PECAM1: variants seen among roughly 807,000 people sequenced by gnomAD.
PECAM1 encodes the protein platelet and endothelial cell adhesion molecule 1.
In PECAM1, 8 loss-of-function variants were observed where a neutral mutation model predicts 13.8. That is an observed-to-expected ratio of 0.58 (90% CI 0.34 to 1.05). PECAM1 has a LOEUF of 1.05. Among genes scored for constraint, PECAM1 ranks in the 50% least tolerant of loss-of-function variants. The probability of loss-of-function intolerance (pLI) is 0.03; values close to 1 mark genes in which losing one functional copy is unlikely to be tolerated. For missense variants in PECAM1, 304 were observed against 141.2 expected (o/e 2.15, Z -5.84); for synonymous variants, 136 against 52.6 (o/e 2.58, Z -6.86).
intron 4 of PECAM1, among the ~76,000 whole-genome samples, 184 bp downstream of exon 4, chr17:64,374,867 T>C (rs956874560): frequency 6.6e-6 from 1 of 152,094 alleles, no homozygotes; most frequent in Non-Finnish European, 1.5e-5. Context: ...GAAACTCTTG[T>C]CTGAAAAATT....
intron 14 of PECAM1, among the ~76,000 whole-genome samples, chr17:64,331,884 T>A (rs1002410840): frequency 2.6e-5 from 4 of 152,054 alleles, no homozygotes; most frequent in Non-Finnish European, 5.9e-5. Flanking sequence ...TCGAAGGTGG[T>A]GGAGGGAATG....
chr17:64,328,706 G>A (rs533339939), intron 15 of PECAM1, among the ~76,000 whole-genome samples: 422 of 152,326 alleles, frequency 2.8e-3, no homozygotes, highest in Non-Finnish European at 4.5e-3. Flanking sequence ...AGGAAGCCAG[G>A]GGCCCACTGG....
At chr17:64,349,353 T>A (rs904395235) in intron 12 of PECAM1, among the ~76,000 whole-genome samples, 2 of 152,046 alleles carry the variant, frequency 1.3e-5, no homozygotes, top group Non-Finnish European at 1.5e-5. Context: ...TTCGGGAGGC[T>A]GAGGCGGGCA....
chr17:64,327,143 C>G (rs1316179785), intron 15 of PECAM1, among the ~76,000 whole-genome samples: 1 of 152,170 alleles, frequency 6.6e-6, no homozygotes, highest in African/African-American at 2.4e-5. Flanking sequence ...TTGGTTGAAT[C>G]CTATGCCTTG....
chr17:64,381,956 CG>C (rs2036490936), intron 2 of PECAM1, among the ~76,000 whole-genome samples: 1 of 152,024 alleles, frequency 6.6e-6, no homozygotes, highest in Non-Finnish European at 1.5e-5. Flanking sequence ...CAAAATTAGC[CG>C]GGTGTGGTGG....
At chr17:64,340,304 G>A (rs1295336148) in intron 14 of PECAM1, among the ~76,000 whole-genome samples, 1 of 152,058 alleles carries the variant, frequency 6.6e-6, no homozygotes, top group Non-Finnish European at 1.5e-5. Flanking sequence ...GACTGTACTC[G>A]GAGGAGTCAT....
intron 2 of PECAM1, among the ~76,000 whole-genome samples, chr17:64,378,578 G>C (rs1289239434): frequency 6.6e-6 from 1 of 151,890 alleles, no homozygotes; most frequent in Non-Finnish European, 1.5e-5. Context: ...GGAGGCGGGG[G>C]TTGCAGTGAG....
rs889903130 is a variant in PECAM1 at position 64,329,732 on chromosome 17, A to C, written c.2165-10T>G. 1 of 768,934 alleles carries C rather than the reference A, an allele frequency of 1.3e-6. No homozygotes were observed. Among genetic ancestry groups the C allele is most frequent in the African/African-American group, 1.7e-5 (1 of 58,842 alleles). 47.6% of individuals were successfully genotyped at this position (768,934 alleles called of 1,614,324 possible). A position where few individuals can be genotyped will look rare whatever the true frequency, so the allele number is the denominator to read the frequency against. On this transcript the variant is annotated splice_polypyrimidine_tract_variant and intron_variant, in intron 14 of 15. Transcript: ENST00000563924. ...CTGCTTTCCACGGCATCTACAAAACAAAGGATGACATGGCAGTGAGCAACG... is the reference window on the plus strand; with the variant it reads ...CTGCTTTCCACGGCATCTACAAAACCAAGGATGACATGGCAGTGAGCAACG...
intron 15 of PECAM1, among the ~76,000 whole-genome samples, chr17:64,328,601 A>G (rs920544959): frequency 6.6e-6 from 1 of 152,178 alleles, no homozygotes; most frequent in East Asian, 1.9e-4. Context: ...CCTTAAATTC[A>G]TAGCTTTCTT....
chr17:64,347,879 C>T lies in PECAM1; in HGVS notation c.2107+381G>A, dbSNP rs1044528236. ...CTGAGTAGCTGGGATTACAGGTGTGCGCCACCAGAGCCGGCTAATTTTTGT... is the reference window on the plus strand; with the variant it reads ...CTGAGTAGCTGGGATTACAGGTGTGTGCCACCAGAGCCGGCTAATTTTTGT... On this transcript the variant is annotated intron_variant, in intron 13 of 15. Transcript: ENST00000563924. Among the ~76,000 whole-genome samples, 8 of 151,074 alleles carry T rather than the reference C, an allele frequency of 5.3e-5. No individual in the cohort carries two copies. In the South Asian group the frequency reaches 6.2e-4, roughly 12 times the overall value.
At chr17:64,385,819 C>T (rs2036581074) in intron 2 of PECAM1, among the ~76,000 whole-genome samples, 2 of 152,256 alleles carry the variant, frequency 1.3e-5, no homozygotes, top group South Asian at 4.1e-4. Flanking sequence ...ACAGCGTGTC[C>T]CAGGACACGA....
intron 14 of PECAM1, among the ~76,000 whole-genome samples, chr17:64,341,137 G>A (rs1205193154): frequency 9.2e-5 from 14 of 151,506 alleles, no homozygotes; most frequent in South Asian, 4.2e-4. Flanking sequence ...GGTGGCGGGC[G>A]CCTGTAATCC....
chr17:64,331,237 C>T (rs1555646637), intron 14 of PECAM1, among the ~76,000 whole-genome samples: 4 of 151,650 alleles, frequency 2.6e-5, no homozygotes. Context: ...AGCTCTGTCA[C>T]CCAGGCTGGA....
chr17:64,354,107 T>C (rs943652255), intron 9 of PECAM1, among the ~76,000 whole-genome samples: 38 of 151,998 alleles, frequency 2.5e-4, no homozygotes, highest in Non-Finnish European at 4.4e-4. Flanking sequence ...GTCTGGCCAA[T>C]TTTTTGTATT....
chr17:64,359,628 T>G (rs1220503098), intron 7 of PECAM1, among the ~76,000 whole-genome samples: 2 of 152,194 alleles, frequency 1.3e-5, no homozygotes, highest in African/African-American at 4.8e-5. Context: ...GTTGAAAGGT[T>G]CTGGAAAGAG....
At chr17:64,357,100 A>C (rs1038501415) in intron 7 of PECAM1, among the ~76,000 whole-genome samples, 1 of 152,106 alleles carries the variant, frequency 6.6e-6, no homozygotes, top group Admixed American at 6.6e-5. Flanking sequence ...TGTGGAACTC[A>C]GCTTTTTCTG....
chr17:64,325,442 AAAAGG>A (rs544822841), intron 15 of PECAM1, among the ~76,000 whole-genome samples: 1,789 of 151,926 alleles, frequency 0.012, 18 homozygotes, highest in Admixed American at 0.023. Flanking sequence ...ACAATTAAAA[AAAAGG>A]ATTCCTGGCT....
intron 7 of PECAM1, among the ~76,000 whole-genome samples, chr17:64,357,531 C>T (rs1202606835): frequency 1.3e-5 from 2 of 152,140 alleles, no homozygotes; most frequent in Non-Finnish European, 2.9e-5. Context: ...AGATGGTCAG[C>T]AGATGGTATT....
At position 64,360,151 on chromosome 17, in the gene PECAM1, A is replaced by C. The variant is rs2143808889; in HGVS notation, c.1481T>G (p.Val494Gly). 1 of 475,060 alleles carries C rather than the reference A, an allele frequency of 2.1e-6. No individual in the cohort carries two copies. The highest frequency in any genetic ancestry group is 6.7e-5 in the South Asian group (1 of 14,868). 29.4% of individuals were successfully genotyped at this position (475,060 alleles called of 1,614,324 possible). A position where few individuals can be genotyped will look rare whatever the true frequency, so the allele number is the denominator to read the frequency against. Residue 494 changes from valine to glycine, a missense_variant, in exon 7 of 16, where the codon GTG becomes GGG. Coordinates refer to ENST00000563924, the MANE Select transcript of PECAM1 (RefSeq NM_000442.5). Reference sequence around the variant, plus strand: ...GCACAGCAACTTACCTATCACCTTCACCCTCAGAACCTCACTTAACATTTT... The same window carrying C: ...GCACAGCAACTTACCTATCACCTTCCCCCTCAGAACCTCACTTAACATTTT... ...HAKMLSEVLR[V>G]KVIAPVDEVQ...
Sources: gnomAD v4.1 joint callset for allele counts (sites outside exome capture counted in the v4.1 genomes callset) on GRCh38, gnomAD v4.1.1 for gene constraint, MANE v1.5 for transcripts, NCBI Gene and HGNC (gene_info 2026-07-23, HGNC 2026-07-21) for gene names.